MYRFL: variants seen among roughly 807,000 people sequenced by gnomAD.
The protein encoded by MYRFL is myelin regulatory factor-like protein.
MYRFL carries 88 observed loss-of-function variants against 109.4 expected under a neutral mutation model. That is an observed-to-expected ratio of 0.80 (90% CI 0.68 to 0.96). MYRFL has a LOEUF of 0.96. Ranked by LOEUF, MYRFL falls within the 40% of genes least tolerant of loss-of-function variation. The probability of loss-of-function intolerance (pLI) is 0.00; values close to 1 mark genes in which losing one functional copy is unlikely to be tolerated. For missense variants in MYRFL, 957 were observed against 954.9 expected, an observed-to-expected ratio of 1.00 and a Z score of -0.03; for synonymous variants, 324 against 320.9, an observed-to-expected ratio of 1.01 and a Z score of -0.10.
At chr12:69,915,179 C>T (rs1486173221) in intron 13 of MYRFL, among the ~76,000 whole-genome samples, 2 of 152,086 alleles carry the variant, frequency 1.3e-5, no homozygotes, top group Non-Finnish European at 2.9e-5. Flanking sequence ...TACAGCGAGC[C>T]TCTTGCTTTC....
intron 1 of MYRFL, among the ~76,000 whole-genome samples, chr12:69,840,169 G>C (rs1450282891): frequency 6.6e-6 from 1 of 152,154 alleles, no homozygotes; most frequent in Non-Finnish European, 1.5e-5. Flanking sequence ...CACGATTAGA[G>C]TCTGACGCTT....
At chr12:69,939,847 A>T (rs1955587582) in intron 19 of MYRFL, among the ~76,000 whole-genome samples, 2 of 152,186 alleles carry the variant, frequency 1.3e-5, no homozygotes, top group Non-Finnish European at 2.9e-5. Flanking sequence ...GAAGTGCTTA[A>T]AGGAGCTGAT....
chr12:69,851,747 C>A (rs1417563683), intron 1 of MYRFL, among the ~76,000 whole-genome samples: 1 of 152,222 alleles, frequency 6.6e-6, no homozygotes, highest in Non-Finnish European at 1.5e-5. Context: ...TAGCCTCAAC[C>A]TCCCGGGCTC....
At chr12:69,853,940 G>T (rs1032410027) in intron 1 of MYRFL, among the ~76,000 whole-genome samples, 1 of 152,154 alleles carries the variant, frequency 6.6e-6, no homozygotes, top group African/African-American at 2.4e-5. Flanking sequence ...CTTCCCAGAC[G>T]GGGTGGCGGC....
At chr12:69,905,345 A>C (rs1274008853) in intron 11 of MYRFL, among the ~76,000 whole-genome samples, 1 of 152,270 alleles carries the variant, frequency 6.6e-6, no homozygotes. Context: ...ATTGTCTTAA[A>C]ATAACAAGCT....
Position 69,895,409 on chromosome 12 carries a change from T to A in MYRFL, c.1019T>A (p.Leu340Gln). The A allele has an allele frequency of 6.5e-7, 1 of 1,535,564 alleles. No individual in the cohort carries two copies. Among genetic ancestry groups the A allele is most frequent in the Non-Finnish European group, 8.7e-7 (1 of 1,146,626 alleles). Residue 340 changes from leucine to glutamine, a missense_variant, in exon 9 of 25, where the codon CTG becomes CAG. Physicochemically the swap from Leu to Gln is moderately radical, Grantham distance 113. Coordinates refer to ENST00000552032, the MANE Select transcript of MYRFL (RefSeq NM_182530.3). Reference protein sequence around the residue: ...LLADQVTKVTLGRLHFSETTA... With the variant: ...LLADQVTKVTQGRLHFSETTA... ...GCTGACCAGGTCACCAAAGTAACAC[T>A]GGGACGATTACACTTCAGCGAAACC...
intron 1 of MYRFL, among the ~76,000 whole-genome samples, chr12:69,848,195 C>A (rs1214663946): frequency 6.6e-6 from 1 of 151,970 alleles, no homozygotes; most frequent in African/African-American, 2.4e-5. Context: ...TGTTGCAACA[C>A]AATATTTATA....
chr12:69,899,720 C>T (rs1339118928), intron 10 of MYRFL, among the ~76,000 whole-genome samples: 3 of 152,084 alleles, frequency 2.0e-5, no homozygotes, highest in Non-Finnish European at 4.4e-5. Context: ...AGGAAGGGTC[C>T]AGAATTCTGA....
Position 69,879,417 on chromosome 12 carries a change from G to T in MYRFL, c.428G>T (p.Cys143Phe). 1 of 702,828 alleles carries T rather than the reference G, an allele frequency of 1.4e-6. No individual in the cohort carries two copies. The highest frequency in any genetic ancestry group is 2.3e-4 in the Middle Eastern group (1 of 4,362). 43.5% of individuals were successfully genotyped at this position (702,828 alleles called of 1,614,324 possible). A position where few individuals can be genotyped will look rare whatever the true frequency, so the allele number is the denominator to read the frequency against. Residue 143 changes from cysteine to phenylalanine, a missense_variant, in exon 4 of 25, where the codon TGT (cysteine) becomes TTT (phenylalanine). By Grantham distance (205) the Cys-to-Phe change is radical. Transcript: ENST00000552032. ...GTGTCCTCCCATCTGGGGATAGGTT[G>T]TTCTTACCCTCAGCAGCCTCTGTGT... ...QSVSSHLGIG[C>F]SYPQQPLCHS...
chr12:69,893,410 C>T (rs771714528), intron 7 of MYRFL, among the ~76,000 whole-genome samples: 14 of 152,160 alleles, frequency 9.2e-5, no homozygotes, highest in Admixed American at 5.2e-4. Context: ...AGCAGTTCCT[C>T]GTACATAGTG....
chr12:69,874,656 T>G (rs1885552046), intron 2 of MYRFL, among the ~76,000 whole-genome samples: 1 of 152,216 alleles, frequency 6.6e-6, no homozygotes, highest in Non-Finnish European at 1.5e-5. Flanking sequence ...TCACTTAGTT[T>G]TCTTTTATCT....
At chr12:69,863,028 T>C (rs369386647) in intron 2 of MYRFL, among the ~76,000 whole-genome samples, 7 of 151,946 alleles carry the variant, frequency 4.6e-5, no homozygotes, top group South Asian at 4.2e-4. Context: ...TTGTCTTTGG[T>C]TCTGTTTATA....
chr12:69,915,396 C>G (rs147618567), intron 13 of MYRFL, among the ~76,000 whole-genome samples: 38 of 152,214 alleles, frequency 2.5e-4, no homozygotes, highest in Non-Finnish European at 2.1e-4. Flanking sequence ...CATTGAAGTT[C>G]GAATGCAAAT....
At chr12:69,871,241 T>TC (rs1464959365) in intron 2 of MYRFL, among the ~76,000 whole-genome samples, 3 of 149,272 alleles carry the variant, frequency 2.0e-5, no homozygotes, top group African/African-American at 7.4e-5. Flanking sequence ...CTTTTTTTTT[T>TC]TTTTTTTTTG....
chr12:69,858,817 T>G (rs1884455851), intron 2 of MYRFL, among the ~76,000 whole-genome samples: 1 of 151,918 alleles, frequency 6.6e-6, no homozygotes, highest in South Asian at 2.1e-4. Context: ...TTTTCTCTAT[T>G]ATGTTTGTTT....
intron 13 of MYRFL, among the ~76,000 whole-genome samples, chr12:69,914,204 A>T (rs1423011493): frequency 6.6e-6 from 1 of 152,164 alleles, no homozygotes; most frequent in African/African-American, 2.4e-5. Context: ...AAGTTTTCCA[A>T]TAAATTACTT....
intron 11 of MYRFL, 106 bp downstream of exon 11, chr12:69,903,950 C>A (rs921743491): frequency 6.7e-6 from 7 of 1,037,146 alleles, no homozygotes; most frequent in Non-Finnish European, 9.5e-6. Context: ...TTACATGTCA[C>A]CCACTGGTGT....
chr12:69,868,990 G>A (rs1416560099), intron 2 of MYRFL, among the ~76,000 whole-genome samples: 2 of 152,086 alleles, frequency 1.3e-5, no homozygotes, highest in African/African-American at 4.8e-5. Context: ...ACTCACACAT[G>A]CACACACACA....
At chr12:69,859,923 CT>C (rs1256735017) in intron 2 of MYRFL, among the ~76,000 whole-genome samples, 2 of 151,636 alleles carry the variant, frequency 1.3e-5, no homozygotes, top group Middle Eastern at 3.4e-3. Flanking sequence ...CTGCAGCTCT[CT>C]TTTTTTTTCT....
Sources: gnomAD v4.1 joint callset for allele counts (sites outside exome capture counted in the v4.1 genomes callset) on GRCh38, gnomAD v4.1.1 for gene constraint, MANE v1.5 for transcripts, NCBI Gene and HGNC (gene_info 2026-07-23, HGNC 2026-07-21) for gene names.